The following XIRP2 variants were observed in gnomAD, a reference collection of about 807,000 sequenced individuals.
The protein encoded by XIRP2 is xin actin-binding repeat-containing protein 2.
A neutral mutation model predicts 277.0 loss-of-function variants in XIRP2; 236 were observed. The observed-to-expected ratio is 0.85, with a 90% CI of 0.77 to 0.95. XIRP2 has a LOEUF of 0.95. Ranked by LOEUF, XIRP2 falls within the 40% of genes least tolerant of loss-of-function variation. The pLI, the probability that XIRP2 is intolerant of heterozygous loss-of-function variation, is 0.00. For missense variants in XIRP2, 4,640 were observed against 4,157.5 expected, an observed-to-expected ratio of 1.12 and a Z score of -3.19; for synonymous variants, 1,490 against 1,416.5, an observed-to-expected ratio of 1.05 and a Z score of -1.17.
intron 3 of XIRP2, among the ~76,000 whole-genome samples, chr2:167,154,523 A>C (rs1692123852): frequency 6.6e-6 from 1 of 151,258 alleles, no homozygotes; most frequent in South Asian, 2.1e-4. Context: ...GTTTTCTTCT[A>C]GGGTTTCTAT....
At chr2:166,947,974 G>A (rs1410079775) in intron 2 of XIRP2, among the ~76,000 whole-genome samples, 4 of 152,110 alleles carry the variant, frequency 2.6e-5, no homozygotes, top group Non-Finnish European at 4.4e-5. Flanking sequence ...AGTGAAAGAA[G>A]CCAGTCTGAT....
intron 2 of XIRP2, among the ~76,000 whole-genome samples, chr2:167,087,552 C>A (rs1315522645): frequency 1.3e-5 from 2 of 152,226 alleles, no homozygotes; most frequent in Non-Finnish European, 2.9e-5. Context: ...TCGCTGCCGC[C>A]TTGCAGTTTG....
At position 166,913,100 on chromosome 2, in the gene XIRP2, G is replaced by A. The variant is rs199570999; in HGVS notation, c.408+9210G>A. 2.1e-4 allele frequency among the ~76,000 whole-genome samples: 32 copies of A among 152,304 alleles called. No individual in the cohort carries two copies. In the East Asian group the frequency reaches 2.3e-3, roughly 11 times the overall value. The stretch of plus-strand genomic sequence containing the variant: ...TATCCATTCTCAGATCTCAAACTCC[G>A]TGCTGGGAGAACCACTACTCACTTC... On this transcript the variant is annotated intron_variant, in intron 2 of 10. Coordinates refer to ENST00000409195, the MANE Select transcript of XIRP2 (RefSeq NM_152381.6).
chr2:166,913,672 G>C (rs1293609328), intron 2 of XIRP2, among the ~76,000 whole-genome samples: 1 of 152,168 alleles, frequency 6.6e-6, no homozygotes, highest in Non-Finnish European at 1.5e-5. Context: ...AAAGTGTACT[G>C]ACATAGACTC....
chr2:167,111,883 C>T (rs1690766822), intron 2 of XIRP2, among the ~76,000 whole-genome samples: 1 of 152,062 alleles, frequency 6.6e-6, no homozygotes, highest in Admixed American at 6.6e-5. Context: ...CTGGTTCAGC[C>T]TTGGGCAATT....
chr2:166,982,148 G>T (rs759025082), intron 2 of XIRP2, among the ~76,000 whole-genome samples: 4 of 151,066 alleles, frequency 2.6e-5, no homozygotes, highest in Non-Finnish European at 5.9e-5. Context: ...TTTTTCTTTC[G>T]ATATTTTAAA....
rs1277310963 is a variant in XIRP2 at position 167,249,914 on chromosome 2, A to G, written c.8522A>G (p.His2841Arg). 2 of 1,613,488 alleles carry G rather than the reference A, an allele frequency of 1.2e-6. No homozygotes were observed. Among genetic ancestry groups the G allele is most frequent in the East Asian group, 2.2e-5 (1 of 44,820 alleles). The stretch of plus-strand genomic sequence containing the variant: ...GAGAGATTAATAACTGAAAGAAAAC[A>G]CGAACATCTGAAGAATAAATCAGCA... ...KEERLITERK[H>R]EHLKNKSAPK... is the part of the protein sequence containing the mutation. The change falls in exon 9 of 11, where the codon CAC becomes CGC. Residue 2841 changes from histidine (H) to arginine (R), a missense_variant. Coordinates refer to ENST00000409195, the MANE Select transcript of XIRP2 (RefSeq NM_152381.6).
chr2:167,165,431 C>T (rs1692495460), intron 3 of XIRP2, among the ~76,000 whole-genome samples: 1 of 152,142 alleles, frequency 6.6e-6, no homozygotes, highest in South Asian at 2.1e-4. Flanking sequence ...AGCAGCCTTC[C>T]AAAGTGGCTG....
At chr2:167,158,563 T>C (rs1196447605) in intron 3 of XIRP2, among the ~76,000 whole-genome samples, 1 of 152,228 alleles carries the variant, frequency 6.6e-6, no homozygotes, top group Non-Finnish European at 1.5e-5. Context: ...GAGTTTACCA[T>C]GTAACTTACA....
intron 2 of XIRP2, among the ~76,000 whole-genome samples, chr2:166,910,095 A>G (rs1271116007): frequency 2.0e-5 from 3 of 152,146 alleles, no homozygotes; most frequent in African/African-American, 4.8e-5. Context: ...TGTCTCTGTC[A>G]GACTTTGGTA....
intron 5 of XIRP2, among the ~76,000 whole-genome samples, chr2:167,234,588 A>T (rs1265213522): frequency 6.6e-6 from 1 of 151,702 alleles, no homozygotes; most frequent in East Asian, 1.9e-4. Context: ...CAAAGAAAAA[A>T]GTCACTACAT....
chr2:167,028,342 A>G (rs1688232260), intron 2 of XIRP2, among the ~76,000 whole-genome samples: 1 of 152,050 alleles, frequency 6.6e-6, no homozygotes, highest in African/African-American at 2.4e-5. Context: ...CCCCTGATTC[A>G]GGCAGCTCAG....
At chr2:167,170,800 T>A (rs560088072) in intron 3 of XIRP2, among the ~76,000 whole-genome samples, 1 of 152,138 alleles carries the variant, frequency 6.6e-6, no homozygotes, top group Non-Finnish European at 1.5e-5. Context: ...TTTCTAATCT[T>A]ATTTTTCCTA....
At chr2:167,057,257 A>G (rs1385607292) in intron 2 of XIRP2, among the ~76,000 whole-genome samples, 2 of 152,178 alleles carry the variant, frequency 1.3e-5, no homozygotes, top group South Asian at 4.1e-4. Flanking sequence ...CAACACTCTG[A>G]CATTCCAAAC....
chr2:167,173,068 G>A (rs556497072), intron 3 of XIRP2, among the ~76,000 whole-genome samples: 1 of 151,972 alleles, frequency 6.6e-6, no homozygotes, highest in Non-Finnish European at 1.5e-5. Context: ...CTCCATCCGG[G>A]GTCCCTGACT....
Position 167,245,294 on chromosome 2 carries a change from C to A in XIRP2, c.3902C>A (p.Thr1301Asn). Reference protein sequence around the residue: ...SDYISTKKTITEEVIQGDVKS... With the variant: ...SDYISTKKTINEEVIQGDVKS... ...TATATCAGCACCAAGAAAACAATTA[C>A]TGAAGAAGTAATACAGGGTGATGTA... Residue 1301 changes from threonine (T) to asparagine (N), a missense_variant, in exon 9 of 11, where the codon ACT becomes AAT. Physicochemically the swap from Thr to Asn is moderately conservative, Grantham distance 65 (BLOSUM62 0). Transcript: ENST00000409195. 1 of 1,613,460 alleles carries A rather than the reference C, an allele frequency of 6.2e-7. No homozygotes were observed.
At chr2:167,110,386 T>G (rs538046158) in intron 2 of XIRP2, among the ~76,000 whole-genome samples, 62 of 152,352 alleles carry the variant, frequency 4.1e-4, no homozygotes, top group Non-Finnish European at 6.2e-4. Context: ...CTTCTGTGTT[T>G]GGCTAGCCAG....
intron 2 of XIRP2, among the ~76,000 whole-genome samples, chr2:167,089,117 T>C (rs1690064878): frequency 6.6e-6 from 1 of 152,184 alleles, no homozygotes; most frequent in Admixed American, 6.5e-5. Context: ...TAGGATGATG[T>C]CAGCTTCATC....
At chr2:167,001,000 T>C (rs1687352982) in intron 2 of XIRP2, among the ~76,000 whole-genome samples, 1 of 152,138 alleles carries the variant, frequency 6.6e-6, no homozygotes, top group African/African-American at 2.4e-5. Context: ...TGTATTATTA[T>C]TGTGCCTGTA....
Sources: allele counts gnomAD v4.1 joint callset (sites outside exome capture counted in the v4.1 genomes callset), GRCh38; gene constraint gnomAD v4.1.1; transcripts MANE v1.5; gene names NCBI Gene and HGNC (gene_info 2026-07-23, HGNC 2026-07-21).